The following MSH3 variants were observed in gnomAD, a reference collection of about 807,000 sequenced individuals.
MSH3 encodes mutS homolog 3, also known as DNA mismatch repair protein Msh3.
A neutral mutation model predicts 123.3 loss-of-function variants in MSH3; 106 were observed. That is an observed-to-expected ratio of 0.86 (90% CI 0.73 to 1.01). The LOEUF (loss-of-function observed/expected upper bound fraction) is 1.01. Ranked by LOEUF, MSH3 falls within the 50% of genes least tolerant of loss-of-function variation. The pLI, the probability that MSH3 is intolerant of heterozygous loss-of-function variation, is 0.00. For missense variants in MSH3, 1,459 were observed against 1,347.6 expected (o/e 1.08, Z -1.29); for synonymous variants, 515 against 481.4 (o/e 1.07, Z -0.91).
intron 17 of MSH3, among the ~76,000 whole-genome samples, chr5:80,786,021 T>C (rs1161183849): frequency 1.3e-5 from 2 of 151,828 alleles, no homozygotes; most frequent in East Asian, 1.9e-4. Context: ...AGGGATAACA[T>C]TGGGAGATAT....
intron 22 of MSH3, among the ~76,000 whole-genome samples, chr5:80,868,919 C>G (rs1284729182): frequency 6.6e-6 from 1 of 152,116 alleles, no homozygotes; most frequent in Non-Finnish European, 1.5e-5. Flanking sequence ...CTGGCTATAT[C>G]TGTGCTTCAT....
intron 20 of MSH3, among the ~76,000 whole-genome samples, chr5:80,842,997 A>G (rs1291564112): frequency 2.0e-5 from 3 of 152,108 alleles, no homozygotes; most frequent in East Asian, 1.9e-4. Flanking sequence ...TTCAAAAGGA[A>G]TGCTTCCAGT....
At position 80,654,776 on chromosome 5, in the gene MSH3, G is replaced by A. The variant is rs1176057750; in HGVS notation, c.49G>A (p.Ala17Thr). Residue 17 changes from alanine (A) to threonine (T), a missense_variant, in exon 1 of 24, where the codon GCC becomes ACC. Transcript: ENST00000265081. ...GGGCGGCCTCGCTGCCTCCAGCTCAGCCCCTGCGAGGCAAGCGGTTTTGAG... is the reference window on the plus strand; with the variant it reads ...GGGCGGCCTCGCTGCCTCCAGCTCAACCCCTGCGAGGCAAGCGGTTTTGAG... ...ASGGLAASSS[A>T]PARQAVLSRF... is the part of the protein sequence containing the mutation. The A allele has an allele frequency of 1.2e-6, 2 of 1,606,760 alleles. No homozygotes were observed. The highest frequency in any genetic ancestry group is 1.7e-6 in the Non-Finnish European group (2 of 1,177,410).
At chr5:80,860,111 CAT>C (rs3991215) in intron 21 of MSH3, among the ~76,000 whole-genome samples, 130,491 of 151,268 alleles carry the variant, frequency 0.86, 56,347 homozygotes, top group East Asian at 1. Context: ...TGTACATAAG[CAT>C]ATATATATAT....
At chr5:80,693,471 A>G (rs1438116144) in intron 8 of MSH3, among the ~76,000 whole-genome samples, 2 of 122,542 alleles carry the variant, frequency 1.6e-5, no homozygotes, top group Non-Finnish European at 3.6e-5. Context: ...ATGCACATGT[A>G]TATGTTTATA....
At chr5:80,718,775 T>C (rs568714204) in intron 8 of MSH3, among the ~76,000 whole-genome samples, 7 of 152,288 alleles carry the variant, frequency 4.6e-5, no homozygotes, top group African/African-American at 1.7e-4. Context: ...GAACAAGTCT[T>C]GCTTTTTAAA....
In MSH3 at chr5:80,675,035, G is replaced by C. The variant is rs750148437; in HGVS notation, c.1080G>C (p.Met360Ile). 8 of 1,613,052 alleles carry C rather than the reference G, an allele frequency of 5.0e-6. No homozygotes were observed. Among genetic ancestry groups the C allele is most frequent in the Non-Finnish European group, 6.8e-6 (8 of 1,179,260 alleles). The change falls in exon 7 of 24, where the codon ATG becomes ATC. Residue 360 changes from methionine to isoleucine, a missense_variant. Met to Ile is a conservative substitution (Grantham distance 10). Transcript: ENST00000265081. The stretch of plus-strand genomic sequence containing the variant: ...ATGCTGTAAATGTTGATGAGATAAT[G>C]ACTGATACTTCTACCAGCTATCTTC... Reference protein sequence around the residue: ...LDDAVNVDEIMTDTSTSYLLC... With the variant: ...LDDAVNVDEIITDTSTSYLLC...
At chr5:80,839,738 T>G (rs1745583604) in intron 20 of MSH3, among the ~76,000 whole-genome samples, 1 of 152,158 alleles carries the variant, frequency 6.6e-6, no homozygotes, top group Non-Finnish European at 1.5e-5. Flanking sequence ...GCACATGTAG[T>G]TTTTAATATA....
chr5:80,709,133 G>A (rs1750787405), intron 8 of MSH3, among the ~76,000 whole-genome samples: 1 of 151,684 alleles, frequency 6.6e-6, no homozygotes, highest in South Asian at 2.1e-4. Context: ...ATAAAGGGTG[G>A]GATGGGAGCT....
chr5:80,791,854 C>A (rs1744612449), intron 18 of MSH3, among the ~76,000 whole-genome samples: 1 of 152,082 alleles, frequency 6.6e-6, no homozygotes, highest in African/African-American at 2.4e-5. Context: ...AGGGTAGACA[C>A]CAAGCTGGTC....
intron 8 of MSH3, among the ~76,000 whole-genome samples, chr5:80,722,843 G>A (rs1425637517): frequency 1.3e-5 from 2 of 152,138 alleles, no homozygotes; most frequent in African/African-American, 2.4e-5. Flanking sequence ...AATGGCTCAC[G>A]CCCATAATCC....
At chr5:80,777,791 G>A (rs972433622) in intron 16 of MSH3, among the ~76,000 whole-genome samples, 1 of 151,968 alleles carries the variant, frequency 6.6e-6, no homozygotes, top group Admixed American at 6.5e-5. Flanking sequence ...GAGTTGGGGA[G>A]CAAAAAAAGA....
Position 80,784,240 on chromosome 5 carries a change from G to GAAAAAAAAAAAAAAAAAAAAAAAAAAAA in MSH3, c.2436-3325_2436-3324insAAAAAAAAAAAAAAAAAAAAAAAAAAAA, listed in dbSNP as rs1561477481. 4.2e-5 allele frequency among the ~76,000 whole-genome samples: 3 copies of GAAAAAAAAAAAAAAAAAAAAAAAAAAAA among 70,636 alleles called. 1 individual carries two copies. The highest frequency in any genetic ancestry group is 1.2e-4 in the African/African-American group (2 of 16,814). 46.3% of individuals were successfully genotyped at this position (70,636 alleles called of 152,430 possible). On this transcript the variant is annotated intron_variant, in intron 17 of 23. Transcript: ENST00000265081. ...AAAAAAAAAAAAAAAAAAAAAAAAA[G>GAAAAAAAAAAAAAAAAAAAAAAAAAAAA]GGAAATAAATAAATAAATAAATAAA...
At chr5:80,666,478 A>G (rs537240350) in intron 3 of MSH3, among the ~76,000 whole-genome samples, 6 of 152,276 alleles carry the variant, frequency 3.9e-5, no homozygotes, top group Admixed American at 1.3e-4. Flanking sequence ...AAGAAAAAAA[A>G]GGTGTTTTTG....
At chr5:80,731,893 G>A (rs193141308) in intron 10 of MSH3, among the ~76,000 whole-genome samples, 74 of 152,250 alleles carry the variant, frequency 4.9e-4, no homozygotes, top group African/African-American at 1.7e-3. Flanking sequence ...ATGTTATCAA[G>A]GGGAAAATAA....
At chr5:80,793,890 T>G (rs1744650576) in intron 19 of MSH3, among the ~76,000 whole-genome samples, 1 of 152,126 alleles carries the variant, frequency 6.6e-6, no homozygotes, top group South Asian at 2.1e-4. Flanking sequence ...ACTGAAGTGG[T>G]AAGGATTGAT....
At chr5:80,770,485 AC>A (rs1744197416) in intron 15 of MSH3, among the ~76,000 whole-genome samples, 1 of 152,172 alleles carries the variant, frequency 6.6e-6, no homozygotes, top group Non-Finnish European at 1.5e-5. Context: ...TTTATCAAGT[AC>A]TTGTTAAAGT....
At position 80,819,967 on chromosome 5, in the gene MSH3, T is replaced by G. The variant is rs182460104; in HGVS notation, c.2813+6226T>G. Among the ~76,000 whole-genome samples, 186 of 152,316 alleles carry G rather than the reference T, an allele frequency of 1.2e-3. 1 individual carries two copies. The highest frequency in any genetic ancestry group is 4.3e-3 in the African/African-American group (180 of 41,570). On this transcript the variant is annotated intron_variant, in intron 20 of 23. Coordinates refer to ENST00000265081, the MANE Select transcript of MSH3 (RefSeq NM_002439.5). Reference sequence around the variant, plus strand: ...AGGAGCTCAAGTGCAGTAAGGGAGATGGAGAAGCAAATCTTTACAATTCGG... The same window carrying G: ...AGGAGCTCAAGTGCAGTAAGGGAGAGGGAGAAGCAAATCTTTACAATTCGG...
At chr5:80,812,980 G>T (rs527344711) in intron 19 of MSH3, among the ~76,000 whole-genome samples, 2 of 152,258 alleles carry the variant, frequency 1.3e-5, no homozygotes, top group East Asian at 3.9e-4. Context: ...CCTTAGCAGG[G>T]GTGTGTACCT....
Sources: allele counts gnomAD v4.1 joint callset (sites outside exome capture counted in the v4.1 genomes callset), GRCh38; gene constraint gnomAD v4.1.1; transcripts MANE v1.5; gene names NCBI Gene and HGNC (gene_info 2026-07-23, HGNC 2026-07-21).